Variants in PWWP2A observed in about 807,000 individuals in gnomAD.
The protein encoded by PWWP2A is PWWP domain-containing protein 2A.
Under a neutral mutation model 48.5 loss-of-function variants are expected in PWWP2A, and 18 were observed. The ratio of observed to expected loss-of-function variants is 0.37; its 90% CI spans 0.26 to 0.55. PWWP2A has a LOEUF of 0.55. PWWP2A is among the 20% of genes least tolerant of loss of function. The pLI is 0.81. For missense variants in PWWP2A, 867 were observed against 976.4 expected (o/e 0.89, Z 1.49); for synonymous variants, 396 against 387.7 (o/e 1.02, Z -0.25).
At chr5:160,045,733 T>G in the PWWP2A span, among the ~76,000 whole-genome samples, 1 of 151,816 alleles carries the variant, frequency 6.6e-6, no homozygotes, top group Non-Finnish European at 1.5e-5. Context: ...CTAACTTTTT[T>G]TATTTTTTAT....
the PWWP2A span, chr5:160,049,703 T>C: frequency 4.1e-6 from 6 of 1,447,736 alleles, no homozygotes; most frequent in Non-Finnish European, 5.5e-6. Context: ...CTTCTATTCT[T>C]TGTGTTGCTA....
chr5:160,112,148 AAAAAAAG>A (rs1382572406), intron 1 of PWWP2A, among the ~76,000 whole-genome samples: 28 of 142,524 alleles, frequency 2.0e-4, no homozygotes, highest in East Asian at 1.9e-3. Flanking sequence ...AAAAAAAAGG[AAAAAAAG>A]AAAAAAGAAA....
intron 1 of PWWP2A, among the ~76,000 whole-genome samples, chr5:160,110,461 C>G (rs1232699470): frequency 1.3e-5 from 2 of 151,900 alleles, no homozygotes; most frequent in Non-Finnish European, 2.9e-5. Flanking sequence ...AATCCCAGCA[C>G]TTTGGGAGGC....
chr5:160,114,634 A>G (rs1757918053), intron 1 of PWWP2A, among the ~76,000 whole-genome samples: 1 of 151,786 alleles, frequency 6.6e-6, no homozygotes, highest in Non-Finnish European at 1.5e-5. Context: ...GTGGTGGAGC[A>G]TGCCTGTAAT....
chr5:160,082,103 T>C (rs953962698), intron 2 of PWWP2A, among the ~76,000 whole-genome samples: 1 of 152,196 alleles, frequency 6.6e-6, no homozygotes, highest in Non-Finnish European at 1.5e-5. Context: ...TACTATCAAC[T>C]ATAACCCAAC....
chr5:160,083,050 C>T (rs182035670), intron 2 of PWWP2A, among the ~76,000 whole-genome samples: 2 of 152,270 alleles, frequency 1.3e-5, no homozygotes, highest in African/African-American at 4.8e-5. Flanking sequence ...TCTCACTGAA[C>T]ACTCAAAATG....
downstream of PWWP2A, among the ~76,000 whole-genome samples, chr5:160,089,274 C>T (rs1213293414): frequency 1.3e-5 from 2 of 152,176 alleles, no homozygotes; most frequent in Non-Finnish European, 2.9e-5. Context: ...TCACTGCAGC[C>T]TCCAACTCCT....
At chr5:160,094,920 C>T (rs577397363) in intron 1 of PWWP2A, among the ~76,000 whole-genome samples, 136 of 151,410 alleles carry the variant, frequency 9.0e-4, no homozygotes, top group African/African-American at 3.0e-3. Flanking sequence ...TGGTGGCAGG[C>T]GCCAGTAGTC....
chr5:160,079,437 GA>G (rs60410116), intron 3 of PWWP2A, among the ~76,000 whole-genome samples: 1,772 of 142,630 alleles, frequency 0.012, 28 homozygotes, highest in African/African-American at 0.041. Context: ...CTTGCTTCTG[GA>G]AAAAAAAAAA....
intron 1 of PWWP2A, among the ~76,000 whole-genome samples, chr5:160,110,655 G>A (rs999408951): frequency 6.6e-6 from 1 of 151,864 alleles, no homozygotes; most frequent in East Asian, 1.9e-4. Flanking sequence ...GCGGTGAGCC[G>A]ACATCATGCC....
chr5:160,081,503 G>A (rs1242630145), intron 2 of PWWP2A, among the ~76,000 whole-genome samples: 2 of 152,152 alleles, frequency 1.3e-5, no homozygotes, highest in African/African-American at 4.8e-5. Flanking sequence ...GCCTCCCAAA[G>A]TGCTGGGATT....
At chr5:160,062,677 C>G (rs375943209) in intron 5 of PWWP2A, among the ~76,000 whole-genome samples, 4 of 152,208 alleles carry the variant, frequency 2.6e-5, no homozygotes. Context: ...TAGGCTTCTC[C>G]ACCATGGAGC....
intron 2 of PWWP2A, among the ~76,000 whole-genome samples, chr5:160,084,068 C>CCATTT (rs1449973346): frequency 6.6e-6 from 1 of 152,130 alleles, no homozygotes; most frequent in East Asian, 1.9e-4. Flanking sequence ...GTATATGTTG[C>CCATTT]AGAATGATAG....
At chr5:160,085,355 C>T (rs901676877) in intron 2 of PWWP2A, among the ~76,000 whole-genome samples, 7 of 152,148 alleles carry the variant, frequency 4.6e-5, no homozygotes, top group African/African-American at 1.7e-4. Flanking sequence ...AAAGTGTGAT[C>T]ATAACAGTCT....
the PWWP2A span, among the ~76,000 whole-genome samples, chr5:160,055,568 C>G: frequency 2.0e-5 from 3 of 152,232 alleles, no homozygotes; most frequent in African/African-American, 7.2e-5. Context: ...AAAACCATGC[C>G]AAAAGGCATG....
At position 160,091,954 on chromosome 5, in the gene PWWP2A, T is replaced by C. The variant is rs1755102128; in HGVS notation, c.*428A>G. On this transcript the variant is annotated 3_prime_UTR_variant, in exon 2 of 2. Transcript: ENST00000307063. ...ATCTGTGTCACACAGTGACAGGCTG[T>C]ATTTCATATATATATATGTGTATAT... The C allele has an allele frequency of 2.1e-6, 2 of 958,232 alleles. No homozygotes were observed. Among genetic ancestry groups the C allele is most frequent in the South Asian group, 4.8e-5 (1 of 20,724 alleles). The allele number at this position is 958,232 out of a possible 1,614,324, so 59.4% of individuals were successfully genotyped here.
chr5:160,087,409 G>T (rs1754726716), downstream of PWWP2A, among the ~76,000 whole-genome samples: 1 of 151,676 alleles, frequency 6.6e-6, no homozygotes, highest in Non-Finnish European at 1.5e-5. Context: ...GAGGGGCTGG[G>T]GCACCAATTA....
At chr5:160,087,379 C>CAAA (rs527692100), downstream of PWWP2A, among the ~76,000 whole-genome samples, 4 of 90,524 alleles carry the variant, frequency 4.4e-5, no homozygotes, top group African/African-American at 8.3e-5. Flanking sequence ...GACCCTATCT[C>CAAA]AAAAAAAAAA....
intron 2 of PWWP2A, among the ~76,000 whole-genome samples, chr5:160,068,065 C>T (rs544380521): frequency 7.9e-5 from 12 of 152,264 alleles, no homozygotes; most frequent in African/African-American, 2.9e-4. Flanking sequence ...CCTGTAATCC[C>T]AGCTACTTGG....
Sources: gnomAD v4.1 joint callset for allele counts (sites outside exome capture counted in the v4.1 genomes callset) on GRCh38, gnomAD v4.1.1 for gene constraint, MANE v1.5 for transcripts, NCBI Gene and HGNC (gene_info 2026-07-23, HGNC 2026-07-21) for gene names.